HPRT1: variants seen among roughly 807,000 people sequenced by gnomAD.
HPRT1 encodes the protein hypoxanthine phosphoribosyltransferase 1.
A neutral mutation model predicts 19.0 loss-of-function variants in HPRT1; 4 were observed. The ratio of observed to expected loss-of-function variants is 0.21; its 90% CI spans 0.10 to 0.48. The LOEUF is 0.48. Among genes scored for constraint, HPRT1 ranks in the 20% least tolerant of loss-of-function variants. The probability of loss-of-function intolerance (pLI) is 0.98; values close to 1 mark genes in which losing one functional copy is unlikely to be tolerated. For missense variants in HPRT1, 65 were observed against 164.0 expected, an observed-to-expected ratio of 0.40 and a Z score of 3.30; for synonymous variants, 53 against 54.9, an observed-to-expected ratio of 0.97 and a Z score of 0.15.
intron 3 of HPRT1, among the ~76,000 whole-genome samples, chrX:134,481,182 A>T (rs1262225361): frequency 9.1e-6 from 1 of 109,697 alleles, no homozygotes; most frequent in African/African-American, 3.3e-5. Flanking sequence ...TTACCTATAT[A>T]CTTCATGTTG....
chrX:134,471,122 A>G (rs2077609464), intron 1 of HPRT1, among the ~76,000 whole-genome samples: 1 of 109,527 alleles, frequency 9.1e-6, no homozygotes, highest in African/African-American at 3.3e-5. Context: ...AATTTCCCAT[A>G]CATTTTATAT....
rs1368277649 is a variant in HPRT1, at chrX:134,460,287, A to G, written c.-25A>G. On this transcript the variant is annotated 5_prime_UTR_variant, in exon 1 of 9. Coordinates refer to ENST00000298556, the MANE Select transcript of HPRT1 (RefSeq NM_000194.3). ...ACCGGCTTCCTCCTCCTGAGCAGTC[A>G]GCCCGCGCGCCGGCCGGCTCCGTTA... 4.5e-6 allele frequency: 5 copies of G among 1,120,868 alleles called. No individual in the cohort carries two copies. The highest frequency in any genetic ancestry group is 3.5e-6 in the Non-Finnish European group (3 of 854,474). 92.4% of individuals were successfully genotyped at this position (1,120,868 alleles called of 1,213,427 possible).
intron 1 of HPRT1, among the ~76,000 whole-genome samples, chrX:134,466,260 A>T (rs1201254385): frequency 9.1e-6 from 1 of 109,567 alleles, no homozygotes; most frequent in Non-Finnish European, 1.9e-5. Flanking sequence ...TCTACTAAAA[A>T]TACAAAAATT....
Position 134,475,165 on chromosome X carries a change from G to T in HPRT1, c.135-16G>T. 1 of 1,178,111 alleles carries T rather than the reference G, an allele frequency of 8.5e-7. No homozygotes were observed. The highest frequency in any genetic ancestry group is 3.0e-5 in the East Asian group (1 of 33,733). On this transcript the variant is annotated splice_polypyrimidine_tract_variant and intron_variant, in intron 2 of 8. Coordinates refer to ENST00000298556, the MANE Select transcript of HPRT1 (RefSeq NM_000194.3). ...GTATGAAACTTTCTATTAAATTCCT[G>T]ATTTTATTTCTGTAGGACTGAACGT... is the stretch of plus-strand genomic sequence containing the variant.
intron 3 of HPRT1, among the ~76,000 whole-genome samples, chrX:134,484,580 G>A (rs183140541): frequency 1.0e-3 from 116 of 111,987 alleles, no homozygotes; most frequent in Non-Finnish European, 1.6e-3. Flanking sequence ...TCTCATAAAC[G>A]CCATTGTCAC....
Position 134,460,182 on chromosome X carries a change from A to G in HPRT1, c.-130A>G, listed in dbSNP as rs1448930974. The G allele has an allele frequency of 2.1e-5, 14 of 678,607 alleles. No individual in the cohort carries two copies. Among genetic ancestry groups the G allele is most frequent in the Middle Eastern group, 9.4e-4 (2 of 2,131 alleles). The allele number at this position is 678,607 out of a possible 1,213,427, so 55.9% of individuals were successfully genotyped here. On this transcript the variant is annotated 5_prime_UTR_variant, in exon 1 of 9. Coordinates refer to ENST00000298556, the MANE Select transcript of HPRT1 (RefSeq NM_000194.3). The stretch of plus-strand genomic sequence containing the variant: ...TTCTCCTCAGCTTCAGGCGGCTGCG[A>G]CGAGCCCTCAGGCGAACCTCTCGGC...
In HPRT1 at chrX:134,460,317, G is replaced by T; in HGVS notation, c.6G>T (p.Ala2=). 1 of 1,132,399 alleles carries T rather than the reference G, an allele frequency of 8.8e-7. No individual in the cohort carries two copies. The highest frequency in any genetic ancestry group is 1.9e-5 in the South Asian group (1 of 51,315). 93.3% of individuals were successfully genotyped at this position (1,132,399 alleles called of 1,213,427 possible). A position where few individuals can be genotyped will look rare whatever the true frequency, so the allele number is the denominator to read the frequency against. Residue 2 remains alanine, a synonymous_variant, in exon 1 of 9, where the codon GCG becomes GCT. Transcript: ENST00000298556. ...GCGCGCCGGCCGGCTCCGTTATGGCGACCCGCAGCCCTGGCGTCGTGGTGA... is the reference window on the plus strand; with the variant it reads ...GCGCGCCGGCCGGCTCCGTTATGGCTACCCGCAGCCCTGGCGTCGTGGTGA... M[A]TRSPGVVISD...
intron 8 of HPRT1, among the ~76,000 whole-genome samples, chrX:134,499,814 A>C (rs890233994): frequency 9.0e-6 from 1 of 111,325 alleles, no homozygotes; most frequent in Non-Finnish European, 1.9e-5. Context: ...AAAAAAAAAA[A>C]CAAAAACAAG....
At chrX:134,492,981 A>G (rs2077671546) in intron 5 of HPRT1, among the ~76,000 whole-genome samples, 1 of 111,587 alleles carries the variant, frequency 9.0e-6, no homozygotes, top group Non-Finnish European at 1.9e-5. Context: ...TTTATTGAAA[A>G]GCATTAGGGT....
chrX:134,466,631 G>A (rs17882283), intron 1 of HPRT1, among the ~76,000 whole-genome samples: 1 of 111,794 alleles, frequency 8.9e-6, no homozygotes, highest in African/African-American at 3.3e-5. Context: ...GGCAGCCTGA[G>A]CAGGTAGTTG....
At chrX:134,499,816 A>G (rs1473316499) in intron 8 of HPRT1, among the ~76,000 whole-genome samples, 1 of 111,277 alleles carries the variant, frequency 9.0e-6, no homozygotes, top group Non-Finnish European at 1.9e-5. Flanking sequence ...AAAAAAAAAC[A>G]AAAACAAGAA....
At chrX:134,480,218 G>T (rs2077635605) in intron 3 of HPRT1, among the ~76,000 whole-genome samples, 1 of 111,291 alleles carries the variant, frequency 9.0e-6, no homozygotes, top group South Asian at 3.7e-4. Flanking sequence ...ACTTACTCAA[G>T]ATCATACAAG....
intron 6 of HPRT1, among the ~76,000 whole-genome samples, chrX:134,494,832 G>A (rs377231410): frequency 1.2e-4 from 13 of 111,745 alleles, no homozygotes; most frequent in East Asian, 8.5e-4. Context: ...GTTCGTGAGC[G>A]AGAGATTTTG....
chrX:134,476,013 T>C (rs1012476081), intron 3 of HPRT1, among the ~76,000 whole-genome samples: 4 of 112,236 alleles, frequency 3.6e-5, no homozygotes, highest in Non-Finnish European at 7.5e-5. Flanking sequence ...GACTATTGTT[T>C]CTGATTTTAT....
intron 1 of HPRT1, among the ~76,000 whole-genome samples, chrX:134,468,905 G>A (rs2077604022): frequency 9.0e-6 from 1 of 111,092 alleles, no homozygotes; most frequent in Non-Finnish European, 1.9e-5. Context: ...GATACATTTT[G>A]TTTTTATTTT....
At chrX:134,483,218 C>T (rs2077644485) in intron 3 of HPRT1, among the ~76,000 whole-genome samples, 1 of 111,010 alleles carries the variant, frequency 9.0e-6, no homozygotes, top group Admixed American at 9.7e-5. Context: ...AGTTCAACCT[C>T]CCTGTTTGTT....
chrX:134,485,825 C>A (rs560891568), intron 3 of HPRT1, among the ~76,000 whole-genome samples: 1 of 112,006 alleles, frequency 8.9e-6, no homozygotes, highest in Non-Finnish European at 1.9e-5. Flanking sequence ...GTCATTGTCA[C>A]CACCAACTAC....
At chrX:134,489,810 A>C (rs1319143643) in intron 4 of HPRT1, among the ~76,000 whole-genome samples, 1 of 111,730 alleles carries the variant, frequency 9.0e-6, no homozygotes, top group Non-Finnish European at 1.9e-5. Context: ...TATTGTACAA[A>C]TATAATTCTT....
At chrX:134,486,818 TAA>T (rs200825657) in intron 4 of HPRT1, among the ~76,000 whole-genome samples, 4 of 88,024 alleles carry the variant, frequency 4.5e-5, no homozygotes, top group African/African-American at 1.2e-4. Flanking sequence ...AGATAGCCTT[TAA>T]AAAAAAAAAA....
Sources: allele counts gnomAD v4.1 joint callset (sites outside exome capture counted in the v4.1 genomes callset), GRCh38; gene constraint gnomAD v4.1.1; transcripts MANE v1.5; gene names NCBI Gene and HGNC (gene_info 2026-07-23, HGNC 2026-07-21).